The following ZPBP variants were observed in gnomAD, a reference collection of about 807,000 sequenced individuals.
ZPBP encodes the protein zona pellucida-binding protein 1.
ZPBP carries 26 observed loss-of-function variants against 44.8 expected under a neutral mutation model. The ratio of observed to expected loss-of-function variants is 0.58; its 90% CI spans 0.43 to 0.81. The LOEUF is 0.81. Among genes scored for constraint, ZPBP ranks in the 30% least tolerant of loss-of-function variants. ZPBP has a pLI of 0.00. For synonymous variants in ZPBP, 174 were observed against 153.2 expected, an observed-to-expected ratio of 1.14 and a Z score of -1.00; for missense variants, 409 against 434.0, an observed-to-expected ratio of 0.94 and a Z score of 0.51.
At chr7:50,084,443 GAATT>G (rs1398773783) in intron 2 of ZPBP, among the ~76,000 whole-genome samples, 2 of 151,188 alleles carry the variant, frequency 1.3e-5, no homozygotes, top group South Asian at 2.1e-4. Flanking sequence ...AAGGCTCAGT[GAATT>G]AATTAATACA....
chr7:49,866,995 A>T (rs1790919445), intron 2 of ZPBP, among the ~76,000 whole-genome samples: 1 of 152,176 alleles, frequency 6.6e-6, no homozygotes, highest in Non-Finnish European at 1.5e-5. Context: ...CATAAGTGAA[A>T]CTTTAAACTA....
At chr7:49,929,882 A>G (rs1260152338) in intron 1 of ZPBP, among the ~76,000 whole-genome samples, 1 of 152,196 alleles carries the variant, frequency 6.6e-6, no homozygotes, top group Non-Finnish European at 1.5e-5. Context: ...TAAAGAGATG[A>G]TTTGTATAAG....
intron 1 of ZPBP, among the ~76,000 whole-genome samples, chr7:50,092,578 T>G (rs990767559): frequency 2.6e-4 from 39 of 152,226 alleles, no homozygotes; most frequent in African/African-American, 8.2e-4. Flanking sequence ...TACATGTATT[T>G]TTAAAACAGT....
intron 6 of ZPBP, among the ~76,000 whole-genome samples, chr7:50,014,511 C>G (rs1183849054): frequency 2.1e-5 from 3 of 144,006 alleles, no homozygotes; most frequent in African/African-American, 7.7e-5. Flanking sequence ...GTTGCCCAGA[C>G]TGGAGTGCAG....
At chr7:50,060,608 A>G (rs1221411873) in intron 3 of ZPBP, among the ~76,000 whole-genome samples, 1 of 152,162 alleles carries the variant, frequency 6.6e-6, no homozygotes, top group African/African-American at 2.4e-5. Context: ...CCATGATTGA[A>G]CCAGGAAGAA....
rs188717225 is a variant in ZPBP, at chr7:50,067,255, C to T, written c.335-9114G>A. Among the ~76,000 whole-genome samples, 12 of 152,246 alleles carry T rather than the reference C, an allele frequency of 7.9e-5. No homozygotes were observed. In the East Asian group the frequency reaches 2.3e-3, roughly 29 times the overall value. On this transcript the variant is annotated intron_variant, in intron 3 of 7. Coordinates refer to ENST00000046087, the MANE Select transcript of ZPBP (RefSeq NM_007009.3). The stretch of plus-strand genomic sequence containing the variant: ...TTTTGGTGCCCCTTGCAGCACATCA[C>T]AACCACCTCTTTGGGGGCCCATACA...
chr7:49,875,571 G>A (rs928678998), intron 2 of ZPBP, among the ~76,000 whole-genome samples: 2 of 151,896 alleles, frequency 1.3e-5, no homozygotes, highest in East Asian at 1.9e-4. Context: ...GTGAAAGGTG[G>A]TCAGGGGTGC....
Position 49,998,242 on chromosome 7 carries a change from A to G in ZPBP, c.784-14723T>C, listed in dbSNP as rs114341550. On this transcript the variant is annotated intron_variant, in intron 6 of 7. Coordinates refer to ENST00000046087, the MANE Select transcript of ZPBP (RefSeq NM_007009.3). Reference sequence around the variant, plus strand: ...AAATGCCCTTATTTTAACAGTAGATACCTTGTGAAGCTGAGAGTTCAATTT... The same window carrying G: ...AAATGCCCTTATTTTAACAGTAGATGCCTTGTGAAGCTGAGAGTTCAATTT... Among the ~76,000 whole-genome samples, 735 of 152,238 alleles carry G rather than the reference A, an allele frequency of 4.8e-3. 4 individuals are homozygous for G. Among genetic ancestry groups the G allele is most frequent in the African/African-American group, 0.017 (693 of 41,548 alleles).
intron 3 of ZPBP, among the ~76,000 whole-genome samples, chr7:50,062,044 A>G (rs73340133): frequency 0.014 from 2,133 of 152,360 alleles, 59 homozygotes; most frequent in African/African-American, 0.048. Context: ...CCAAACTGAG[A>G]GCCAAATCAA....
intron 3 of ZPBP, among the ~76,000 whole-genome samples, chr7:50,061,325 A>C (rs1801225175): frequency 6.6e-6 from 1 of 152,178 alleles, no homozygotes; most frequent in South Asian, 2.1e-4. Context: ...ATCAGGCAAG[A>C]GAAAGAAATA....
intron 1 of ZPBP, among the ~76,000 whole-genome samples, chr7:49,910,213 C>T (rs1793334616): frequency 6.6e-6 from 1 of 152,140 alleles, no homozygotes; most frequent in Admixed American, 6.5e-5. Flanking sequence ...GAAGCGGGGG[C>T]CCTCCACCTC....
intron 2 of ZPBP, among the ~76,000 whole-genome samples, chr7:49,855,250 T>C (rs1031957688): frequency 6.6e-6 from 1 of 152,216 alleles, no homozygotes; most frequent in African/African-American, 2.4e-5. Flanking sequence ...CAATAAATGG[T>C]TGAGGAAAAC....
intron 2 of ZPBP, among the ~76,000 whole-genome samples, chr7:49,852,679 G>C (rs1301233357): frequency 1.3e-5 from 2 of 150,690 alleles, no homozygotes; most frequent in African/African-American, 5.0e-5. Context: ...TACCACCTTG[G>C]TGTGACGGAT....
At chr7:50,054,861 TACAC>T (rs1313554089) in intron 4 of ZPBP, among the ~76,000 whole-genome samples, 1 of 151,808 alleles carries the variant, frequency 6.6e-6, no homozygotes, top group African/African-American at 2.4e-5. Context: ...CACACAAACA[TACAC>T]ACACACAGAG....
At chr7:49,840,694 A>G in the ZPBP span, among the ~76,000 whole-genome samples, 3 of 152,146 alleles carry the variant, frequency 2.0e-5, no homozygotes, top group African/African-American at 7.2e-5. Flanking sequence ...GCAGCTTCAA[A>G]AGCTGTTTGC....
intron 6 of ZPBP, among the ~76,000 whole-genome samples, chr7:50,004,150 G>C (rs1025845743): frequency 6.6e-6 from 1 of 152,098 alleles, no homozygotes; most frequent in Non-Finnish European, 1.5e-5. Flanking sequence ...CTCAAAGTGG[G>C]TTGCACTTTG....
At chr7:50,016,513 A>G (rs1798830078) in intron 6 of ZPBP, among the ~76,000 whole-genome samples, 1 of 152,138 alleles carries the variant, frequency 6.6e-6, no homozygotes, top group South Asian at 2.1e-4. Context: ...GAATTTACCC[A>G]TGTAACAAAC....
intron 1 of ZPBP, among the ~76,000 whole-genome samples, chr7:50,090,625 G>GTATATA (rs1363833060): frequency 7.3e-5 from 11 of 150,920 alleles, no homozygotes; most frequent in Admixed American, 1.3e-4. Context: ...GTATATATGT[G>GTATATA]TATATATATA....
At chr7:49,892,198 T>C (rs1792171279) in intron 2 of ZPBP, among the ~76,000 whole-genome samples, 1 of 151,076 alleles carries the variant, frequency 6.6e-6, no homozygotes, top group Non-Finnish European at 1.5e-5. Context: ...GCGCCCACCA[T>C]CACGCCCGGC....
Sources: gnomAD v4.1 joint callset for allele counts (sites outside exome capture counted in the v4.1 genomes callset) on GRCh38, gnomAD v4.1.1 for gene constraint, MANE v1.5 for transcripts, NCBI Gene and HGNC (gene_info 2026-07-23, HGNC 2026-07-21) for gene names.